The following PIK3C2G variants were observed in gnomAD, a reference collection of about 807,000 sequenced individuals.
The protein encoded by PIK3C2G is phosphatidylinositol-4-phosphate 3-kinase catalytic subunit type 2 gamma, also known as phosphatidylinositol 3-kinase C2 domain-containing subunit gamma.
In PIK3C2G, 168 loss-of-function variants were observed where a neutral mutation model predicts 181.1. That is an observed-to-expected ratio of 0.93 (90% CI 0.82 to 1.05). The LOEUF (loss-of-function observed/expected upper bound fraction) is 1.05, where lower values mean the gene tolerates loss of function less well. Ranked by LOEUF, PIK3C2G falls within the 50% of genes least tolerant of loss-of-function variation. The pLI is 0.00. For synonymous variants in PIK3C2G, 573 were observed against 592.2 expected (o/e 0.97, Z 0.47); for missense variants, 1,869 against 1,732.8 (o/e 1.08, Z -1.40).
the PIK3C2G span, among the ~76,000 whole-genome samples, chr12:18,726,627 T>C: frequency 6.6e-6 from 1 of 151,720 alleles, no homozygotes; most frequent in Non-Finnish European, 1.5e-5. Context: ...GAATGAAGGC[T>C]TTCCATATTG....
the PIK3C2G span, among the ~76,000 whole-genome samples, chr12:18,673,170 G>T: frequency 6.6e-6 from 1 of 152,074 alleles, no homozygotes; most frequent in Non-Finnish European, 1.5e-5. Context: ...TGTTTTTAAT[G>T]GTTAAATTGA....
the PIK3C2G span, among the ~76,000 whole-genome samples, chr12:18,671,469 A>G: frequency 6.6e-6 from 1 of 152,232 alleles, no homozygotes; most frequent in African/African-American, 2.4e-5. Context: ...ACCTGAACCT[A>G]AAGAAGATCA....
chr12:18,390,907 A>G (rs546492556), intron 14 of PIK3C2G, among the ~76,000 whole-genome samples: 1 of 152,222 alleles, frequency 6.6e-6, no homozygotes, highest in South Asian at 2.1e-4. Flanking sequence ...CATCTATACC[A>G]TTTGTATACA....
chr12:18,371,246 G>A lies in PIK3C2G; in HGVS notation c.1815G>A (p.Gly605=), dbSNP rs199655015. ...RESMLTVKLF[G]IACATNNANL... ...CCATGCTCACTGTAAAACTGTTTGG[G>A]ATTGCCTGTGCAACCAACAATGCAA... is the stretch of plus-strand genomic sequence containing the variant. Residue 605 remains glycine, a synonymous_variant, in exon 13 of 33, where the codon GGG becomes GGA. Coordinates refer to ENST00000538779, the MANE Select transcript of PIK3C2G (RefSeq NM_001288772.2). 6.2e-7 allele frequency: 1 copy of A among 1,612,390 alleles called. No homozygotes were observed. Among genetic ancestry groups the A allele is most frequent in the East Asian group, 2.2e-5 (1 of 44,806 alleles).
chr12:18,717,177 G>A, the PIK3C2G span, among the ~76,000 whole-genome samples: 1 of 151,934 alleles, frequency 6.6e-6, no homozygotes, highest in African/African-American at 2.4e-5. Flanking sequence ...TTCTTGTAAT[G>A]TAAAAGTAAT....
In PIK3C2G at chr12:18,336,974, T is replaced by C. The variant is rs563055325; in HGVS notation, c.1273-1452T>C. On this transcript the variant is annotated intron_variant, in intron 8 of 32. Transcript: ENST00000538779. Reference sequence around the variant, plus strand: ...ACTTTGTTAAGAAAATACCCTAGAATAAGGAGAATTAAAAATTTTTTATGC... The same window carrying C: ...ACTTTGTTAAGAAAATACCCTAGAACAAGGAGAATTAAAAATTTTTTATGC... Among the ~76,000 whole-genome samples the C allele has an allele frequency of 3.8e-3, 582 of 152,252 alleles. 2 individuals carry two copies. Among genetic ancestry groups the C allele is most frequent in the Non-Finnish European group, 5.0e-3 (338 of 68,006 alleles).
intron 29 of PIK3C2G, among the ~76,000 whole-genome samples, chr12:18,588,725 A>G (rs1946917472): frequency 6.6e-6 from 1 of 152,164 alleles, no homozygotes. Context: ...CACTTGACCT[A>G]GCAATCCCAT....
At chr12:18,684,388 T>C in the PIK3C2G span, 51 of 1,056,296 alleles carry the variant, frequency 4.8e-5, no homozygotes, top group Non-Finnish European at 6.3e-5. Flanking sequence ...AACAATAATA[T>C]CTTGTGTTTA....
chr12:18,697,687 A>G, the PIK3C2G span, among the ~76,000 whole-genome samples: 1 of 152,108 alleles, frequency 6.6e-6, no homozygotes, highest in African/African-American at 2.4e-5. Context: ...ATTCTTTTGT[A>G]TGTGTATAAT....
intron 13 of PIK3C2G, among the ~76,000 whole-genome samples, chr12:18,375,050 G>A (rs1360862034): frequency 1.3e-5 from 2 of 152,214 alleles, no homozygotes; most frequent in Non-Finnish European, 2.9e-5. Flanking sequence ...GCCTAACCCA[G>A]AAAGTCGGTA....
At chr12:18,415,308 A>T (rs1040940647) in intron 16 of PIK3C2G, among the ~76,000 whole-genome samples, 1 of 152,192 alleles carries the variant, frequency 6.6e-6, no homozygotes, top group African/African-American at 2.4e-5. Flanking sequence ...TATCATTGTT[A>T]TTATTATATC....
chr12:18,245,161 A>G (rs1262388895), upstream of PIK3C2G, among the ~76,000 whole-genome samples: 5 of 152,002 alleles, frequency 3.3e-5, no homozygotes, highest in African/African-American at 1.2e-4. Flanking sequence ...AAATAGGAAA[A>G]CTCGTAATAA....
chr12:18,391,186 T>C lies in PIK3C2G; in HGVS notation c.2060T>C (p.Leu687Pro). 2 of 1,609,640 alleles carry C rather than the reference T, an allele frequency of 1.2e-6. No individual in the cohort carries two copies. The highest frequency in any genetic ancestry group is 1.1e-5 in the South Asian group (1 of 90,556). ...KPDSEENRSN[L>P]EEPLKECIKH... ...GATTCTGAAGAGAATAGAAGTAATC[T>C]TGAAGAGCCACTAAAGGAGTGTATA... Residue 687 changes from leucine (L) to proline (P), a missense_variant, in exon 15 of 33, where the codon CTT becomes CCT. By Grantham distance (98) the Leu-to-Pro change is moderately conservative. Coordinates refer to ENST00000538779, the MANE Select transcript of PIK3C2G (RefSeq NM_001288772.2).
the PIK3C2G span, among the ~76,000 whole-genome samples, chr12:18,709,795 G>T: frequency 6.6e-6 from 1 of 152,074 alleles, no homozygotes; most frequent in East Asian, 1.9e-4. Context: ...TGATTCAGGA[G>T]TATAGGATAT....
chr12:18,329,466 A>C (rs1234180686), intron 8 of PIK3C2G, among the ~76,000 whole-genome samples: 1 of 151,990 alleles, frequency 6.6e-6, no homozygotes, highest in Non-Finnish European at 1.5e-5. Context: ...CAAAGTTTGC[A>C]TCTACTAGCA....
At position 18,544,467 on chromosome 12, in the gene PIK3C2G, T is replaced by C. The variant is rs530229325; in HGVS notation, c.3481-1856T>C. ...AACAAGATAAAAGTTATTCAAGATA[T>C]CTGGGCAAATGAAGATGAGGGGCTG... On this transcript the variant is annotated intron_variant, in intron 25 of 32. Coordinates refer to ENST00000538779, the MANE Select transcript of PIK3C2G (RefSeq NM_001288772.2). 7.2e-4 allele frequency among the ~76,000 whole-genome samples: 110 copies of C among 151,866 alleles called. No homozygotes were observed. In the South Asian group the frequency reaches 0.022, roughly 30 times the overall value.
chr12:18,324,762 T>C (rs943429545), intron 7 of PIK3C2G, among the ~76,000 whole-genome samples: 6 of 152,226 alleles, frequency 3.9e-5, no homozygotes, highest in Non-Finnish European at 7.3e-5. Context: ...AGAGTAGTTT[T>C]ATATAATGAT....
rs1444172811 is a variant in PIK3C2G at position 18,451,070 on chromosome 12, G to C, written c.2504+27031G>C. Among the ~76,000 whole-genome samples the C allele has an allele frequency of 3.3e-5, 5 of 152,044 alleles. No homozygotes were observed. In the East Asian group the frequency reaches 7.7e-4, roughly 23 times the overall value. On this transcript the variant is annotated intron_variant, in intron 18 of 32. Transcript: ENST00000538779. ...GTCTTGGTTATGCAGGCTCCTTTTT[G>C]GTTCCATATGAAATTTAAAATAGTT...
intron 4 of PIK3C2G, among the ~76,000 whole-genome samples, chr12:18,293,612 T>A (rs1949806083): frequency 6.6e-6 from 1 of 152,198 alleles, no homozygotes; most frequent in African/African-American, 2.4e-5. Context: ...TAGATTTTTA[T>A]GCAGAACTGC....
Sources: allele counts gnomAD v4.1 joint callset (sites outside exome capture counted in the v4.1 genomes callset), GRCh38; gene constraint gnomAD v4.1.1; transcripts MANE v1.5; gene names NCBI Gene and HGNC (gene_info 2026-07-23, HGNC 2026-07-21).